Variants in CDNF observed in about 807,000 individuals in gnomAD.
CDNF encodes cerebral dopamine neurotrophic factor.
A neutral mutation model predicts 14.8 loss-of-function variants in CDNF; 9 were observed. That is an observed-to-expected ratio of 0.61 (90% CI 0.37 to 1.06). The LOEUF (loss-of-function observed/expected upper bound fraction) is 1.06, where lower values mean the gene tolerates loss of function less well. CDNF is among the 50% of genes least tolerant of loss of function. The probability of loss-of-function intolerance (pLI) is 0.01; values close to 1 mark genes in which losing one functional copy is unlikely to be tolerated. For synonymous variants in CDNF, 86 were observed against 87.2 expected, an observed-to-expected ratio of 0.99 and a Z score of 0.07; for missense variants, 228 against 228.4, an observed-to-expected ratio of 1.00 and a Z score of 0.01.
intron 1 of CDNF, among the ~76,000 whole-genome samples, chr10:14,837,389 G>C (rs1833901426): frequency 6.6e-6 from 1 of 152,138 alleles, no homozygotes; most frequent in Admixed American, 6.5e-5. Context: ...ACAAATATTA[G>C]CTATGTCCTC....
At chr10:14,820,505 T>C (rs1588792158) in intron 3 of CDNF, among the ~76,000 whole-genome samples, 2 of 152,140 alleles carry the variant, frequency 1.3e-5, no homozygotes, top group East Asian at 3.9e-4. Flanking sequence ...GGCGGGAGGA[T>C]TGCCTGAGGT....
chr10:14,837,886 G>T lies in CDNF; in HGVS notation c.61C>A (p.Pro21Thr). ...GCCTCCTGGCCCTGCGTCAGCACCG[G>T]GTGAGAGACCAAAAGCCCGGCGCAA... Reference protein sequence around the residue: ...AFCAGLLVSHPVLTQGQEAGG... With the variant: ...AFCAGLLVSHTVLTQGQEAGG... Residue 21 changes from proline to threonine, a missense_variant, in exon 1 of 4, where the codon CCG becomes ACG. By Grantham distance (38) the Pro-to-Thr change is conservative (BLOSUM62 -1). Transcript: ENST00000465530. 1 of 1,607,180 alleles carries T rather than the reference G, an allele frequency of 6.2e-7. No homozygotes were observed.
chr10:14,825,474 T>C lies in CDNF; in HGVS notation c.385+5A>G. The C allele has an allele frequency of 6.2e-7, 1 of 1,613,820 alleles. No homozygotes were observed. The highest frequency in any genetic ancestry group is 8.5e-7 in the Non-Finnish European group (1 of 1,179,884). On this transcript the variant is annotated splice_donor_5th_base_variant and intron_variant, in intron 3 of 3. Transcript: ENST00000465530. Reference sequence around the variant, plus strand: ...TACTGGGAAAAACACGGGGCTGTGTTATACCATATTTCAGCTCACAGATCT... The same window carrying C: ...TACTGGGAAAAACACGGGGCTGTGTCATACCATATTTCAGCTCACAGATCT...
intron 1 of CDNF, among the ~76,000 whole-genome samples, chr10:14,831,951 A>G (rs1285615061): frequency 6.6e-6 from 1 of 152,184 alleles, no homozygotes; most frequent in African/African-American, 2.4e-5. Context: ...TTTTTAACAA[A>G]TATTTACTAA....
chr10:14,837,169 G>A (rs1327039043), intron 1 of CDNF, among the ~76,000 whole-genome samples: 1 of 152,178 alleles, frequency 6.6e-6, no homozygotes, highest in African/African-American at 2.4e-5. Flanking sequence ...CTTTGCCTTT[G>A]CTAACAGATC....
At chr10:14,823,762 A>G (rs1207021480) in intron 3 of CDNF, among the ~76,000 whole-genome samples, 2 of 152,222 alleles carry the variant, frequency 1.3e-5, no homozygotes, top group Admixed American at 6.5e-5. Context: ...CCTGGGCTCA[A>G]ATGATCCTCC....
chr10:14,831,582 A>ATATTTT (rs1554764505), intron 1 of CDNF, among the ~76,000 whole-genome samples: 7 of 149,838 alleles, frequency 4.7e-5, no homozygotes, highest in African/African-American at 1.7e-4. Flanking sequence ...ATATATATAT[A>ATATTTT]TTTTTTTTCA....
At chr10:14,828,364 T>C in intron 1 of CDNF, 92 bp from the exon 2 acceptor site, 1 of 1,292,648 alleles carries the variant, frequency 7.7e-7, no homozygotes, top group Non-Finnish European at 1.1e-6. Context: ...AAAGTCTATA[T>C]GGGGCTGGGC....
At chr10:14,830,207 C>T (rs753899145) in intron 1 of CDNF, among the ~76,000 whole-genome samples, 3 of 152,014 alleles carry the variant, frequency 2.0e-5, no homozygotes, top group Non-Finnish European at 4.4e-5. Flanking sequence ...AAGTGAGGGA[C>T]GTTTTGTTGT....
In CDNF at chr10:14,828,243, T is replaced by G; in HGVS notation, c.145A>C (p.Lys49Gln). The change falls in exon 2 of 4, where the codon AAG (lysine) becomes CAG (glutamine). Residue 49 changes from lysine to glutamine, a missense_variant. Physicochemically the swap from Lys to Gln is moderately conservative, Grantham distance 53. Coordinates refer to ENST00000465530, the MANE Select transcript of CDNF (RefSeq NM_001029954.3). ...TTAACTCCTCTGTCTATCAGTGACT[T>G]GTAGAATCGGTTCAAGAATTCTTTA... is the stretch of plus-strand genomic sequence containing the variant. ...VCKEFLNRFY[K>Q]SLIDRGVNFS... 6.2e-7 allele frequency: 1 copy of G among 1,613,664 alleles called. No individual in the cohort carries two copies. Among genetic ancestry groups the G allele is most frequent in the East Asian group, 2.2e-5 (1 of 44,876 alleles).
At chr10:14,830,021 C>T (rs1262362016) in intron 1 of CDNF, among the ~76,000 whole-genome samples, 1 of 152,134 alleles carries the variant, frequency 6.6e-6, no homozygotes. Flanking sequence ...GATACTCATA[C>T]GTCTCAAAAC....
At position 14,820,156 on chromosome 10, in the gene CDNF, T is replaced by C. The variant is rs1833726125; in HGVS notation, c.388A>G (p.Lys130Glu). ...DSQICELKYEKTLDLASVDLR... is the reference protein window; with the variant it reads ...DSQICELKYEETLDLASVDLR... ...TCAACTGATGCCAAGTCCAGTGTTT[T>C]TTCTAAATGGCAAAAAGGAAAAAAG... The change falls in exon 4 of 4, where the codon AAA becomes GAA. Residue 130 changes from lysine to glutamate, a missense_variant and splice_region_variant. Coordinates refer to ENST00000465530, the MANE Select transcript of CDNF (RefSeq NM_001029954.3). The C allele has an allele frequency of 6.2e-7, 1 of 1,604,486 alleles. No homozygotes were observed. The highest frequency in any genetic ancestry group is 1.1e-5 in the South Asian group (1 of 88,846).
chr10:14,826,415 A>C (rs112206824), intron 2 of CDNF, among the ~76,000 whole-genome samples: 7 of 144,962 alleles, frequency 4.8e-5, no homozygotes, highest in African/African-American at 1.4e-4. Flanking sequence ...GCAGCAGCAG[A>C]AGCAGCAGAA....
chr10:14,827,867 G>C (rs990512733), intron 2 of CDNF, among the ~76,000 whole-genome samples: 2 of 152,036 alleles, frequency 1.3e-5, no homozygotes, highest in African/African-American at 4.8e-5. Flanking sequence ...ACTCTAGCCT[G>C]GGCAACAGAG....
rs1336623183 is a variant in CDNF at position 14,825,612 on chromosome 10, A to G, written c.252T>C (p.Tyr84=). ...TKGKENRLCY[Y]LGATKDAATK... Reference sequence around the variant, plus strand: ...TGGCTGCGTCTTTTGTGGCTCCTAGATAATAGCACTGAAGGAAAATGAAGA... The same window carrying G: ...TGGCTGCGTCTTTTGTGGCTCCTAGGTAATAGCACTGAAGGAAAATGAAGA... The change falls in exon 3 of 4, where the codon TAT becomes TAC. Residue 84 remains tyrosine, a synonymous_variant. Coordinates refer to ENST00000465530, the MANE Select transcript of CDNF (RefSeq NM_001029954.3). 1 of 1,613,872 alleles carries G rather than the reference A, an allele frequency of 6.2e-7. No individual in the cohort carries two copies. Among genetic ancestry groups the G allele is most frequent in the Non-Finnish European group, 8.5e-7 (1 of 1,179,906 alleles).
intron 3 of CDNF, among the ~76,000 whole-genome samples, chr10:14,823,718 G>A (rs531942537): frequency 2.3e-4 from 35 of 152,208 alleles, no homozygotes; most frequent in Admixed American, 5.9e-4. Context: ...GTAGAGACAG[G>A]GTTTCACCAT....
chr10:14,827,854 T>C lies in CDNF; in HGVS notation c.243+291A>G, dbSNP rs116044521. Among the ~76,000 whole-genome samples the C allele has an allele frequency of 9.7e-3, 1,473 of 152,220 alleles. 31 individuals carry two copies. The highest frequency in any genetic ancestry group is 0.034 in the African/African-American group (1,405 of 41,526). On this transcript the variant is annotated intron_variant, in intron 2 of 3. Coordinates refer to ENST00000465530, the MANE Select transcript of CDNF (RefSeq NM_001029954.3). ...TTGCAGTGAGCTGAGATGATGATACTGCACTCTAGCCTGGGCAACAGAGCA... is the reference window on the plus strand; with the variant it reads ...TTGCAGTGAGCTGAGATGATGATACCGCACTCTAGCCTGGGCAACAGAGCA...
At chr10:14,832,852 C>CTTTTTTTTTGTT in intron 1 of CDNF, among the ~76,000 whole-genome samples, 1 of 80,496 alleles carries the variant, frequency 1.2e-5, no homozygotes, top group Non-Finnish European at 2.3e-5. Context: ...TCTTTTTTTG[C>CTTTTTTTTTGTT]TTTTTTTTTT....
chr10:14,831,620 C>G (rs1160620312), intron 1 of CDNF, among the ~76,000 whole-genome samples: 1 of 151,450 alleles, frequency 6.6e-6, no homozygotes, highest in Non-Finnish European at 1.5e-5. Context: ...GTTGCCTAGG[C>G]TAGAGTGCAG....
Sources: allele counts gnomAD v4.1 joint callset (sites outside exome capture counted in the v4.1 genomes callset), GRCh38; gene constraint gnomAD v4.1.1; transcripts MANE v1.5; gene names NCBI Gene and HGNC (gene_info 2026-07-23, HGNC 2026-07-21).